Variants in GRM5 observed in about 807,000 individuals in gnomAD.
GRM5 encodes glutamate metabotropic receptor 5, also known as metabotropic glutamate receptor 5.
In GRM5, 19 loss-of-function variants were observed where a neutral mutation model predicts 83.1. That is an observed-to-expected ratio of 0.23 (90% CI 0.16 to 0.34). The LOEUF is 0.34. GRM5 is among the 10% of genes least tolerant of loss of function. The pLI is 1.00. For synonymous variants in GRM5, 675 were observed against 633.6 expected, an observed-to-expected ratio of 1.07 and a Z score of -0.98; for missense variants, 1,160 against 1,588.3, an observed-to-expected ratio of 0.73 and a Z score of 4.58.
In GRM5 at chr11:88,904,491, C is replaced by T. The variant is rs185883871; in HGVS notation, c.662-54336G>A. Among the ~76,000 whole-genome samples, 388 of 152,268 alleles carry T rather than the reference C, an allele frequency of 2.5e-3. 1 individual carries two copies. Among genetic ancestry groups the T allele is most frequent in the African/African-American group, 9.1e-3 (380 of 41,564 alleles). Reference sequence around the variant, plus strand: ...CAAGAGCAAATGAACCTATGATTTCCATCAACCTGTACTGCCTTATTGCAA... The same window carrying T: ...CAAGAGCAAATGAACCTATGATTTCTATCAACCTGTACTGCCTTATTGCAA... On this transcript the variant is annotated intron_variant, in intron 2 of 9. Coordinates refer to ENST00000305447, the MANE Select transcript of GRM5 (RefSeq NM_001143831.3).
chr11:89,065,367 CT>C (rs747254539), intron 1 of GRM5, among the ~76,000 whole-genome samples: 15 of 151,276 alleles, frequency 9.9e-5, no homozygotes, highest in Non-Finnish European at 1.2e-4. Flanking sequence ...CAAACGTATC[CT>C]TTGGCTCGGA....
chr11:88,978,497 A>AAAAAAAAAAAAAAAAAAAAAAAAAC (rs1939413705), intron 2 of GRM5, among the ~76,000 whole-genome samples: 1 of 40,056 alleles, frequency 2.5e-5, no homozygotes, highest in Admixed American at 3.2e-4. Context: ...AAAAAAAAAA[A>AAAAAAAAAAAAAAAAAAAAAAAAAC]AAAAAAAAAA....
At chr11:89,041,810 A>T (rs757394692) in intron 2 of GRM5, among the ~76,000 whole-genome samples, 1 of 152,194 alleles carries the variant, frequency 6.6e-6, no homozygotes, top group Non-Finnish European at 1.5e-5. Context: ...GAATTCCCCT[A>T]AAAGTTTCTG....
intron 3 of GRM5, among the ~76,000 whole-genome samples, chr11:88,720,947 A>AAAAT (rs1192511195): frequency 6.6e-6 from 1 of 151,950 alleles, no homozygotes; most frequent in African/African-American, 2.4e-5. Flanking sequence ...TCATAATTTA[A>AAAAT]AAATAAATAC....
At chr11:88,834,488 T>G (rs1388244502) in intron 3 of GRM5, among the ~76,000 whole-genome samples, 1 of 152,196 alleles carries the variant, frequency 6.6e-6, no homozygotes, top group Non-Finnish European at 1.5e-5. Flanking sequence ...TAATCAATAT[T>G]CACTTTATCA....
intron 4 of GRM5, among the ~76,000 whole-genome samples, chr11:88,644,946 A>G (rs1939398672): frequency 6.6e-6 from 1 of 152,044 alleles, no homozygotes; most frequent in Non-Finnish European, 1.5e-5. Flanking sequence ...CCAAAGGGTC[A>G]CTTTTATAGG....
chr11:88,648,161 C>T (rs1939515886), intron 4 of GRM5, among the ~76,000 whole-genome samples: 1 of 151,938 alleles, frequency 6.6e-6, no homozygotes, highest in Non-Finnish European at 1.5e-5. Context: ...GGGTATATAC[C>T]CAAAGGACTA....
At chr11:88,765,812 C>T (rs995944493) in intron 3 of GRM5, among the ~76,000 whole-genome samples, 1 of 151,630 alleles carries the variant, frequency 6.6e-6, no homozygotes, top group Non-Finnish European at 1.5e-5. Context: ...ACATCAAAGG[C>T]ACAGGCACAA....
rs867663446 is a variant in GRM5, at chr11:88,769,566, A to G, written c.911+80340T>C. Among the ~76,000 whole-genome samples, 14 of 152,132 alleles carry G rather than the reference A, an allele frequency of 9.2e-5. No homozygotes were observed. In the Middle Eastern group the frequency reaches 0.01, roughly 111 times the overall value. On this transcript the variant is annotated intron_variant, in intron 3 of 9. Transcript: ENST00000305447. ...GGAGCATGTTGTGGTTCCATTGGGT[A>G]AGGAAGCCCTCACAAAGCAACAATA...
chr11:88,796,153 C>A (rs7949964), intron 3 of GRM5, among the ~76,000 whole-genome samples: 2,418 of 152,192 alleles, frequency 0.016, 61 homozygotes, highest in African/African-American at 0.053. Context: ...GTGGGAGAGA[C>A]AAGATCCATG....
intron 2 of GRM5, among the ~76,000 whole-genome samples, chr11:88,972,187 C>A (rs1382095676): frequency 6.6e-6 from 1 of 152,126 alleles, no homozygotes; most frequent in Non-Finnish European, 1.5e-5. Flanking sequence ...ATATAAACCT[C>A]TCCCCAACCA....
intron 9 of GRM5, among the ~76,000 whole-genome samples, chr11:88,510,205 A>C (rs1591310932): frequency 6.6e-6 from 1 of 152,270 alleles, no homozygotes; most frequent in Non-Finnish European, 1.5e-5. Flanking sequence ...TGAGTTCTGT[A>C]CTTGAATAAC....
rs527411619 is a variant in GRM5, at chr11:88,541,438, A to G, written c.2631-16034T>C. On this transcript the variant is annotated intron_variant, in intron 8 of 9. Coordinates refer to ENST00000305447, the MANE Select transcript of GRM5 (RefSeq NM_001143831.3). ...CAAGTATATAAGCATATATAAATATATAGACACAGATACATGTATATACAC... is the reference window on the plus strand; with the variant it reads ...CAAGTATATAAGCATATATAAATATGTAGACACAGATACATGTATATACAC... Among the ~76,000 whole-genome samples the G allele has an allele frequency of 5.9e-5, 9 of 152,326 alleles. No individual in the cohort carries two copies. In the East Asian group the frequency reaches 1.7e-3, roughly 29 times the overall value.
intron 3 of GRM5, among the ~76,000 whole-genome samples, chr11:88,792,221 A>T (rs1407175490): frequency 1.3e-5 from 2 of 152,120 alleles, no homozygotes; most frequent in African/African-American, 4.8e-5. Context: ...GCCTGAAAAT[A>T]TCTCATAGAT....
At chr11:88,741,574 C>T (rs1362116420) in intron 3 of GRM5, among the ~76,000 whole-genome samples, 1 of 152,010 alleles carries the variant, frequency 6.6e-6, no homozygotes, top group Admixed American at 6.6e-5. Flanking sequence ...TACAATGTGC[C>T]ATGAAAATGT....
intron 3 of GRM5, among the ~76,000 whole-genome samples, chr11:88,679,440 T>G (rs1415027621): frequency 6.6e-6 from 1 of 152,182 alleles, no homozygotes; most frequent in Non-Finnish European, 1.5e-5. Flanking sequence ...TTTCAAATAT[T>G]TTACATTGAA....
chr11:88,991,101 T>A (rs1939950060), intron 2 of GRM5, among the ~76,000 whole-genome samples: 1 of 152,182 alleles, frequency 6.6e-6, no homozygotes. Flanking sequence ...CATGATTGTG[T>A]ATCTAGACAA....
intron 1 of GRM5, among the ~76,000 whole-genome samples, chr11:89,050,162 C>T (rs181296688): frequency 2.3e-4 from 35 of 152,218 alleles, no homozygotes; most frequent in African/African-American, 7.0e-4. Context: ...TGTTAAAACA[C>T]TAAGATATTG....
At chr11:88,545,171 T>C (rs997971664) in intron 8 of GRM5, among the ~76,000 whole-genome samples, 6 of 152,150 alleles carry the variant, frequency 3.9e-5, no homozygotes, top group African/African-American at 1.4e-4. Context: ...ATGCTATCAC[T>C]TGTATCTGGG....
Sources: gnomAD v4.1 joint callset for allele counts (sites outside exome capture counted in the v4.1 genomes callset) on GRCh38, gnomAD v4.1.1 for gene constraint, MANE v1.5 for transcripts, NCBI Gene and HGNC (gene_info 2026-07-23, HGNC 2026-07-21) for gene names.